The following BTBD19 variants were observed in gnomAD, a reference collection of about 807,000 sequenced individuals.
BTBD19 encodes BTB domain containing 19.
In BTBD19, 20 loss-of-function variants were observed where a neutral mutation model predicts 36.1. That is an observed-to-expected ratio of 0.55 (90% CI 0.39 to 0.80). BTBD19 has a LOEUF of 0.80. Among genes scored for constraint, BTBD19 ranks in the 30% least tolerant of loss-of-function variants. BTBD19 has a pLI of 0.00. For missense variants in BTBD19, 325 were observed against 389.8 expected (o/e 0.83, Z 1.40); for synonymous variants, 157 against 174.3 (o/e 0.90, Z 0.78).
chr1:44,814,174 C>CTTTCTTTCTTTCTT (rs1652597866), downstream of BTBD19: 2 of 140,986 alleles, frequency 1.4e-5, no homozygotes, highest in Non-Finnish European at 2.8e-5. Flanking sequence ...TTCTTTCTTT[C>CTTTCTTTCTTTCTT]TTTCTTTCTT....
chr1:44,811,738 C>G (rs149479321), intron 3 of BTBD19: 2 of 302,450 alleles, frequency 6.6e-6, no homozygotes, highest in African/African-American at 4.3e-5. Context: ...AGGAAGGGAA[C>G]AAGTGGAGGA....
chr1:44,813,156 G>A lies in BTBD19; in HGVS notation c.502G>A (p.Gly168Ser), dbSNP rs1210503099. ...CTCGCAGGAGGCCCTCCGGACCCGA[G>A]GCTTCCTGGAGCTGTCGGCGGCCGC... Residue 168 changes from glycine to serine, a missense_variant, in exon 6 of 8, where the codon GGC becomes AGC. Gly to Ser is a moderately conservative substitution (Grantham distance 56). Transcript: ENST00000450269. The surrounding 1 kb of genome is among the most constrained non-coding windows in gnomAD (Gnocchi z 7.8). 6.5e-7 allele frequency: 1 copy of A among 1,542,172 alleles called. No homozygotes were observed. Among genetic ancestry groups the A allele is most frequent in the Non-Finnish European group, 8.7e-7 (1 of 1,144,608 alleles).
Position 44,813,001 on chromosome 1 carries a change from C to T in BTBD19, c.420C>T (p.Ala140=), listed in dbSNP as rs865888703. 1 of 1,550,830 alleles carries T rather than the reference C, an allele frequency of 6.4e-7. No individual in the cohort carries two copies. Residue 140 remains alanine (A), a synonymous_variant, in exon 5 of 8, where the codon GCC becomes GCT. Transcript: ENST00000450269. This position sits in a 1 kb window ranked among gnomAD's most constrained non-coding sequence, Gnocchi z 7.8. ...CTCCCTCATTCTGCTCGCAGGTGGC[C>T]GTAACCTTTGGCCTGGGGCAGCTGC... is the stretch of plus-strand genomic sequence containing the variant.
chr1:44,813,567 G>A lies in BTBD19; in HGVS notation c.741+68G>A, dbSNP rs1395396701. ...TACAGGGCGCTGGGAGGGGGCAGGA[G>A]CAGCCCGGCCCACGGTCCTCGGGGC... On this transcript the variant is annotated intron_variant, in intron 7 of 7. Transcript: ENST00000450269. This position sits in a 1 kb window ranked among gnomAD's most constrained non-coding sequence, Gnocchi z 7.8. 6.5e-7 allele frequency: 1 copy of A among 1,535,142 alleles called. No homozygotes were observed. Among genetic ancestry groups the A allele is most frequent in the Non-Finnish European group, 8.8e-7 (1 of 1,136,492 alleles).
chr1:44,813,835 C>T lies in BTBD19; in HGVS notation c.*63C>T. The T allele has an allele frequency of 6.5e-7, 1 of 1,543,210 alleles. No homozygotes were observed. Among genetic ancestry groups the T allele is most frequent in the South Asian group, 1.2e-5 (1 of 83,870 alleles). On this transcript the variant is annotated 3_prime_UTR_variant, in exon 8 of 8. Coordinates refer to ENST00000450269, the Ensembl canonical transcript of BTBD19. The surrounding 1 kb of genome is among the most constrained non-coding windows in gnomAD (Gnocchi z 7.8). ...CAGCTGAGCCTGCCCCAAACTACAGCTCCCGAAGTGCTCGGCGTTCGGAGC... is the reference window on the plus strand; with the variant it reads ...CAGCTGAGCCTGCCCCAAACTACAGTTCCCGAAGTGCTCGGCGTTCGGAGC...
intron 4 of BTBD19, among the ~76,000 whole-genome samples, chr1:44,812,786 C>CGTGTGTGTGTGT (rs6143210): frequency 8.1e-5 from 11 of 134,976 alleles, no homozygotes; most frequent in South Asian, 5.2e-4. Context: ...AGTGAGTCCA[C>CGTGTGTGTGTGT]GTGTGTGTGT....
At chr1:44,811,331 G>C (rs1652404776) in intron 3 of BTBD19, among the ~76,000 whole-genome samples, 1 of 152,126 alleles carries the variant, frequency 6.6e-6, no homozygotes, top group Non-Finnish European at 1.5e-5. Flanking sequence ...CTTCCCAGAG[G>C]AGGAAACATT....
In BTBD19 at chr1:44,810,721, A is replaced by G; in HGVS notation, c.354+114A>G. ...GAGGAACGTGTGCCCACACAGAGAG[A>G]AGTATGTATATCTCTCCCAAGTAAG... On this transcript the variant is annotated intron_variant, in intron 3 of 7. Transcript: ENST00000450269. This position sits in a 1 kb window ranked among gnomAD's most constrained non-coding sequence, Gnocchi z 4.2. 9.7e-7 allele frequency: 1 copy of G among 1,028,424 alleles called. No individual in the cohort carries two copies. The highest frequency in any genetic ancestry group is 2.9e-5 in the Admixed American group (1 of 34,294). 63.7% of individuals were successfully genotyped at this position (1,028,424 alleles called of 1,614,324 possible).
chr1:44,814,176 TTCTTTC>T (rs1444705230), downstream of BTBD19: 103 of 142,018 alleles, frequency 7.3e-4, no homozygotes, highest in African/African-American at 1.7e-3. Flanking sequence ...CTTTCTTTCT[TTCTTTC>T]TTTCTTTCTT....
chr1:44,811,929 G>C (rs1029459144), intron 3 of BTBD19, 110 bp from the exon 4 acceptor site: 1 of 842,030 alleles, frequency 1.2e-6, no homozygotes, highest in Non-Finnish European at 1.8e-6. Flanking sequence ...GGATGGGTCT[G>C]GGGCTGCTGG....
At position 44,813,697 on chromosome 1, in the gene BTBD19, G is replaced by T. The variant is rs1266980583; in HGVS notation, c.801G>T (p.Arg267=). 1.3e-6 allele frequency: 2 copies of T among 1,551,326 alleles called. No homozygotes were observed. ...CCCTGCGGAGAGGGGATGAGGCCCGGGGCGCCCCGTGTCGCCGCCGGAGAG... is the reference window on the plus strand; with the variant it reads ...CCCTGCGGAGAGGGGATGAGGCCCGTGGCGCCCCGTGTCGCCGCCGGAGAG... The change falls in exon 8 of 8, where the codon CGG becomes CGT. Residue 267 remains arginine, a synonymous_variant. Transcript: ENST00000450269. The surrounding 1 kb of genome is among the most constrained non-coding windows in gnomAD (Gnocchi z 7.8).
chr1:44,812,764 A>C (rs1482445028), intron 4 of BTBD19, among the ~76,000 whole-genome samples: 1 of 150,638 alleles, frequency 6.6e-6, no homozygotes, highest in Non-Finnish European at 1.5e-5. Flanking sequence ...TGTAGGGAAG[A>C]GCAGGTTGTA....
At position 44,810,981 on chromosome 1, in the gene BTBD19, A is replaced by T. The variant is rs2148863291; in HGVS notation, c.354+374A>T. Among the ~76,000 whole-genome samples, 2 of 152,304 alleles carry T rather than the reference A, an allele frequency of 1.3e-5. No individual in the cohort carries two copies. Among genetic ancestry groups the T allele is most frequent in the Middle Eastern group, 6.8e-3 (2 of 294 alleles). ...ACGCCTGTAATCCCAGCACTTTGGG[A>T]AGCTGAAGCAGGTGGATCACTTGAG... On this transcript the variant is annotated intron_variant, in intron 3 of 7. Transcript: ENST00000450269. This position sits in a 1 kb window ranked among gnomAD's most constrained non-coding sequence, Gnocchi z 4.2.
At chr1:44,811,697 T>G in intron 3 of BTBD19, 1 of 268,942 alleles carries the variant, frequency 3.7e-6, no homozygotes, top group South Asian at 3.7e-5. Context: ...GAAATTCAAG[T>G]TTCTGCTAAA....
intron 1 of BTBD19, among the ~76,000 whole-genome samples, 194 bp downstream of exon 1, chr1:44,809,100 G>A (rs971151024): frequency 2.0e-5 from 3 of 152,164 alleles, no homozygotes; most frequent in Non-Finnish European, 4.4e-5. Flanking sequence ...AGGGCCAGAG[G>A]CAAGGCTGGC....
In BTBD19 at chr1:44,813,667, C is replaced by G; in HGVS notation, c.771C>G (p.Cys257Trp). Residue 257 changes from cysteine to tryptophan, a missense_variant, in exon 8 of 8, where the codon TGC (cysteine) becomes TGG (tryptophan). Transcript: ENST00000450269. This position sits in a 1 kb window ranked among gnomAD's most constrained non-coding sequence, Gnocchi z 7.8. ...AGCAGATTGTGGAGGCGTGGAAATG[C>G]CATGCCCTGCGGAGAGGGGATGAGG... 1 of 1,551,258 alleles carries G rather than the reference C, an allele frequency of 6.4e-7. No homozygotes were observed. Among genetic ancestry groups the G allele is most frequent in the South Asian group, 1.2e-5 (1 of 84,036 alleles).
In BTBD19 at chr1:44,813,789, G is replaced by T. The variant is rs901027146; in HGVS notation, c.*17G>T. On this transcript the variant is annotated 3_prime_UTR_variant, in exon 8 of 8. Coordinates refer to ENST00000450269, the Ensembl canonical transcript of BTBD19. This position sits in a 1 kb window ranked among gnomAD's most constrained non-coding sequence, Gnocchi z 7.8. ...TTCAAATGATCCAACGCCGGGACTC[G>T]CAGGGAGCCCTCGACCCGCCCAGCT... 8 of 1,551,052 alleles carry T rather than the reference G, an allele frequency of 5.2e-6. No individual in the cohort carries two copies. In the African/African-American group the frequency reaches 5.5e-5, roughly 11 times the overall value.
Position 44,810,729 on chromosome 1 carries a change from A to G in BTBD19, c.354+122A>G, listed in dbSNP as rs900763493. The G allele has an allele frequency of 1.0e-6, 1 of 954,370 alleles. No homozygotes were observed. Among genetic ancestry groups the G allele is most frequent in the Admixed American group, 3.1e-5 (1 of 32,682 alleles). 59.1% of individuals were successfully genotyped at this position (954,370 alleles called of 1,614,324 possible). On this transcript the variant is annotated intron_variant, in intron 3 of 7. Transcript: ENST00000450269. The surrounding 1 kb of genome is among the most constrained non-coding windows in gnomAD (Gnocchi z 4.2). Reference sequence around the variant, plus strand: ...TGTGCCCACACAGAGAGAAGTATGTATATCTCTCCCAAGTAAGTAGGGCAT... The same window carrying G: ...TGTGCCCACACAGAGAGAAGTATGTGTATCTCTCCCAAGTAAGTAGGGCAT...
exon 1 of BTBD19, chr1:44,808,810 C>T (rs1157052687): frequency 2.9e-5 from 45 of 1,537,236 alleles, no homozygotes; most frequent in Non-Finnish European, 3.8e-5. Context: ...CACCCCAACC[C>T]CTTCTCACTC....
Sources: gnomAD v4.1 joint callset for allele counts (sites outside exome capture counted in the v4.1 genomes callset) on GRCh38, gnomAD v4.1.1 for gene constraint, Gnocchi (gnomAD v3.1) non-coding constraint, MANE v1.5 for transcripts, NCBI Gene and HGNC (gene_info 2026-07-23, HGNC 2026-07-21) for gene names.